The following DOCK3 variants were observed in gnomAD, a reference collection of about 807,000 sequenced individuals.
DOCK3 encodes the protein dedicator of cytokinesis 3, also known as dedicator of cytokinesis protein 3.
Under a neutral mutation model 265.6 loss-of-function variants are expected in DOCK3, and 60 were observed. The ratio of observed to expected loss-of-function variants is 0.23; its 90% confidence interval spans 0.18 to 0.28. DOCK3 has a LOEUF of 0.28. DOCK3 is among the 10% of genes least tolerant of loss of function. DOCK3 has a pLI of 1.00. For missense variants in DOCK3, 1,981 were observed against 2,594.3 expected, an observed-to-expected ratio of 0.76 and a Z score of 5.14; for synonymous variants, 881 against 938.0, an observed-to-expected ratio of 0.94 and a Z score of 1.11.
At position 51,383,921 on chromosome 3, in the gene DOCK3, C is replaced by T. The variant is rs782569122; in HGVS notation, c.*2362C>T. Reference sequence around the variant, plus strand: ...TCCCGCATTCTGTGCTTATTTAAAACAAGGAAACTTCTAACCATTTCTTTT... The same window carrying T: ...TCCCGCATTCTGTGCTTATTTAAAATAAGGAAACTTCTAACCATTTCTTTT... On this transcript the variant is annotated 3_prime_UTR_variant, in exon 53 of 53. Transcript: ENST00000266037. 2 of 152,534 alleles carry T rather than the reference C, an allele frequency of 1.3e-5. No homozygotes were observed. The highest frequency in any genetic ancestry group is 2.9e-5 in the Non-Finnish European group (2 of 68,008). The allele number at this position is 152,534 out of a possible 1,614,324, so 9.4% of individuals were successfully genotyped here.
intron 41 of DOCK3, among the ~76,000 whole-genome samples, chr3:51,355,793 C>T (rs1306762629): frequency 6.6e-6 from 1 of 152,226 alleles, no homozygotes; most frequent in Non-Finnish European, 1.5e-5. Context: ...CTGCATTCCC[C>T]TCTTTCCCTT....
rs2076662113 is a variant in DOCK3, at chr3:50,953,962, C to T, written c.315+19885C>T. On this transcript the variant is annotated intron_variant, in intron 5 of 52. Coordinates refer to ENST00000266037, the MANE Select transcript of DOCK3 (RefSeq NM_004947.5). ...ACATAAAATTTACCATTTCAACTAT[C>T]ATTAAGTGTATAGTTCAGTGGTATT... Among the ~76,000 whole-genome samples, 3 of 152,106 alleles carry T rather than the reference C, an allele frequency of 2.0e-5. No individual in the cohort carries two copies. The South Asian group carries it at 6.2e-4, about 31-fold the overall frequency.
At chr3:51,334,551 C>T in intron 35 of DOCK3, among the ~76,000 whole-genome samples, 1 of 152,178 alleles carries the variant, frequency 6.6e-6, no homozygotes, top group East Asian at 1.9e-4. Context: ...AGCATCCCCC[C>T]ATTCTGTAGC....
At chr3:51,068,337 G>A (rs918329582) in intron 6 of DOCK3, among the ~76,000 whole-genome samples, 49 of 151,874 alleles carry the variant, frequency 3.2e-4, no homozygotes, top group African/African-American at 6.5e-4. Context: ...TCAAGAGATC[G>A]AGACCATCCT....
chr3:51,172,833 C>T (rs970989707), intron 12 of DOCK3, among the ~76,000 whole-genome samples: 28 of 151,920 alleles, frequency 1.8e-4, no homozygotes, highest in Non-Finnish European at 3.7e-4. Context: ...TTCTCTGTGC[C>T]TACTATGAGG....
intron 50 of DOCK3, among the ~76,000 whole-genome samples, chr3:51,375,287 A>C (rs1321561743): frequency 2.0e-5 from 3 of 152,198 alleles, no homozygotes; most frequent in Admixed American, 2.0e-4. Context: ...GCAGCTGCCC[A>C]TTAAAACAGC....
intron 13 of DOCK3, among the ~76,000 whole-genome samples, chr3:51,209,254 C>T (rs2089384284): frequency 6.6e-6 from 1 of 152,204 alleles, no homozygotes; most frequent in Non-Finnish European, 1.5e-5. Flanking sequence ...TCACACACTT[C>T]TCTTTCTATT....
chr3:51,294,957 T>A (rs1996332), intron 27 of DOCK3, among the ~76,000 whole-genome samples: 1 of 152,270 alleles, frequency 6.6e-6, no homozygotes, highest in South Asian at 2.1e-4. Context: ...CCCAATTTGT[T>A]CATTCCACAA....
intron 22 of DOCK3, among the ~76,000 whole-genome samples, chr3:51,251,100 A>G (rs1478985790): frequency 2.0e-5 from 3 of 152,092 alleles, no homozygotes; most frequent in Non-Finnish European, 4.4e-5. Flanking sequence ...GTTCTCACCT[A>G]TGAGTGAGAA....
chr3:50,688,163 C>T lies in DOCK3; in HGVS notation c.37+12863C>T, dbSNP rs570497114. ...ACTCTTCACCAATAGTAAAGGGCTT[C>T]TTAGTTTTAGCGATGTGGTTAGCCA... On this transcript the variant is annotated intron_variant, in intron 1 of 52. Coordinates refer to ENST00000266037, the MANE Select transcript of DOCK3 (RefSeq NM_004947.5). Among the ~76,000 whole-genome samples, 21 of 152,320 alleles carry T rather than the reference C, an allele frequency of 1.4e-4. 1 individual carries two copies. Among genetic ancestry groups the T allele is most frequent in the African/African-American group, 5.1e-4 (21 of 41,578 alleles).
At position 50,829,066 on chromosome 3, in the gene DOCK3, G is replaced by GATTT. The variant is rs769606246; in HGVS notation, c.122-12588_122-12585dup. ...CATGCTTTTACATGGTTCTATCTGG[G>GATTT]ATTTATTTATTTATTTATTTATTTG... On this transcript the variant is annotated intron_variant, in intron 2 of 52. Transcript: ENST00000266037. Among the ~76,000 whole-genome samples, 503 of 151,900 alleles carry GATTT rather than the reference G, an allele frequency of 3.3e-3. 1 individual carries two copies. The highest frequency in any genetic ancestry group is 0.017 in the Middle Eastern group (5 of 294).
intron 9 of DOCK3, among the ~76,000 whole-genome samples, chr3:51,095,535 A>T (rs574925498): frequency 6.6e-6 from 1 of 152,182 alleles, no homozygotes; most frequent in Non-Finnish European, 1.5e-5. Context: ...ACAACACCAG[A>T]ATCCAGAATC....
At chr3:51,170,455 A>G (rs1371414159) in intron 12 of DOCK3, among the ~76,000 whole-genome samples, 6 of 151,828 alleles carry the variant, frequency 4.0e-5, no homozygotes, top group Admixed American at 3.9e-4. Context: ...ATTCTTTATG[A>G]TTCAATCTTG....
At chr3:50,802,987 C>G (rs1162136792) in intron 2 of DOCK3, among the ~76,000 whole-genome samples, 1 of 147,664 alleles carries the variant, frequency 6.8e-6, no homozygotes, top group Non-Finnish European at 1.5e-5. Context: ...TTTTGTCTGC[C>G]TATGTTATTT....
intron 12 of DOCK3, among the ~76,000 whole-genome samples, chr3:51,197,005 T>A (rs1271562989): frequency 6.6e-6 from 1 of 152,278 alleles, no homozygotes; most frequent in Non-Finnish European, 1.5e-5. Flanking sequence ...TTTTTGAATT[T>A]ACTTTAGTAG....
rs2083156157 is a variant in DOCK3, at chr3:51,103,361, T to C, written c.746+12977T>C. On this transcript the variant is annotated intron_variant, in intron 9 of 52. Coordinates refer to ENST00000266037, the MANE Select transcript of DOCK3 (RefSeq NM_004947.5). The stretch of plus-strand genomic sequence containing the variant: ...AGAACAGAAGAGATAAATTCTAGCA[T>C]CTCAAAAAGTGAAAGCAAAGCTAGT... Among the ~76,000 whole-genome samples the C allele has an allele frequency of 2.0e-5, 3 of 152,268 alleles. No individual in the cohort carries two copies. The South Asian group carries it at 6.2e-4, about 32-fold the overall frequency.
At chr3:50,873,247 AGAT>A in intron 3 of DOCK3, among the ~76,000 whole-genome samples, 1 of 152,290 alleles carries the variant, frequency 6.6e-6, no homozygotes, top group South Asian at 2.1e-4. Context: ...TTTAGGTAGC[AGAT>A]GATGAATTTT....
intron 27 of DOCK3, among the ~76,000 whole-genome samples, chr3:51,293,990 T>G (rs2081933076): frequency 6.6e-6 from 1 of 152,220 alleles, no homozygotes; most frequent in Non-Finnish European, 1.5e-5. Flanking sequence ...TCTTGTACAC[T>G]GTTAGTGATA....
intron 1 of DOCK3, among the ~76,000 whole-genome samples, chr3:50,699,402 T>C (rs2035878198): frequency 6.6e-6 from 1 of 152,058 alleles, no homozygotes; most frequent in African/African-American, 2.4e-5. Flanking sequence ...TTGGATTCCA[T>C]GTGTATTTTC....
Sources: allele counts gnomAD v4.1 joint callset (sites outside exome capture counted in the v4.1 genomes callset), GRCh38; gene constraint gnomAD v4.1.1; transcripts MANE v1.5; gene names NCBI Gene and HGNC (gene_info 2026-07-23, HGNC 2026-07-21).